The following TMEM217B variants were observed in gnomAD, a reference collection of about 807,000 sequenced individuals.
The protein encoded by TMEM217B is putative transmembrane protein 217B.
the TMEM217B span, among the ~76,000 whole-genome samples, chr6:37,239,833 T>A: frequency 1.0e-4 from 15 of 150,136 alleles, 1 homozygote; most frequent in Middle Eastern, 6.8e-3. Flanking sequence ...AATAGGAGGA[T>A]CACTTAAGCC....
the TMEM217B span, among the ~76,000 whole-genome samples, chr6:37,241,248 AT>A: frequency 1.1e-3 from 160 of 144,984 alleles, no homozygotes; most frequent in Middle Eastern, 3.6e-3. Flanking sequence ...TACCTGGTTA[AT>A]TTTTTTTTTT....
the TMEM217B span, among the ~76,000 whole-genome samples, chr6:37,236,723 A>G: frequency 1.3e-5 from 2 of 152,096 alleles, no homozygotes; most frequent in Non-Finnish European, 2.9e-5. Context: ...TTAGTAGCAT[A>G]AGATAACCAT....
the TMEM217B span, among the ~76,000 whole-genome samples, chr6:37,231,936 C>T: frequency 1.3e-3 from 190 of 151,890 alleles, 5 homozygotes; most frequent in East Asian, 0.028. Context: ...ATCTCAGTCC[C>T]TAGCCCAGAC....
At chr6:37,249,043 A>G in the TMEM217B span, among the ~76,000 whole-genome samples, 1 of 152,110 alleles carries the variant, frequency 6.6e-6, no homozygotes, top group South Asian at 2.1e-4. Context: ...TTCTGTCTGT[A>G]TCTTCTCTCA....
chr6:37,254,150 C>A, the TMEM217B span, among the ~76,000 whole-genome samples: 1 of 152,182 alleles, frequency 6.6e-6, no homozygotes, highest in Non-Finnish European at 1.5e-5. Context: ...CACCTGGGAG[C>A]TTGTTAGAAA....
chr6:37,253,614 G>C, the TMEM217B span, among the ~76,000 whole-genome samples: 7 of 152,298 alleles, frequency 4.6e-5, no homozygotes, highest in East Asian at 1.3e-3. Context: ...ACATTGCACA[G>C]TGCATTGTGA....
chr6:37,234,848 A>C, the TMEM217B span, among the ~76,000 whole-genome samples: 1 of 152,216 alleles, frequency 6.6e-6, no homozygotes, highest in African/African-American at 2.4e-5. Flanking sequence ...AAGTATGAAT[A>C]GGGATAGGGA....
the TMEM217B span, among the ~76,000 whole-genome samples, chr6:37,240,493 TGA>T: frequency 4.3e-4 from 64 of 149,512 alleles, no homozygotes; most frequent in Middle Eastern, 3.4e-3. Context: ...GAGTAAGTGA[TGA>T]GAGAGAGAGA....
chr6:37,224,726 G>C, the TMEM217B span, among the ~76,000 whole-genome samples: 2 of 152,112 alleles, frequency 1.3e-5, no homozygotes, highest in African/African-American at 4.8e-5. Context: ...GAGCAGCTGG[G>C]ATTACAGGAG....
At chr6:37,215,197 C>T in the TMEM217B span, 2 of 1,613,634 alleles carry the variant, frequency 1.2e-6, no homozygotes, top group Non-Finnish European at 1.7e-6. Context: ...TCAATACTCA[C>T]TCAGCAGACA....
At chr6:37,254,646 C>T in the TMEM217B span, among the ~76,000 whole-genome samples, 2 of 152,122 alleles carry the variant, frequency 1.3e-5, no homozygotes, top group African/African-American at 2.4e-5. Flanking sequence ...AACATAGAAT[C>T]GAAAGACAAG....
the TMEM217B span, chr6:37,212,688 G>T: frequency 1.6e-6 from 1 of 619,252 alleles, no homozygotes; most frequent in Non-Finnish European, 3.0e-6. Flanking sequence ...GCTCGTAAGT[G>T]ATGATCCACA....
the TMEM217B span, among the ~76,000 whole-genome samples, chr6:37,249,873 C>T: frequency 1.3e-5 from 2 of 152,196 alleles, no homozygotes; most frequent in South Asian, 2.1e-4. Flanking sequence ...TATGCATACA[C>T]TCCAGACCAC....
chr6:37,239,784 G>C, the TMEM217B span, among the ~76,000 whole-genome samples: 1 of 151,692 alleles, frequency 6.6e-6, no homozygotes, highest in African/African-American at 2.4e-5. Context: ...TAAAGCTTTA[G>C]AGCCTAATTC....
At chr6:37,239,891 T>TAA in the TMEM217B span, among the ~76,000 whole-genome samples, 186 of 133,762 alleles carry the variant, frequency 1.4e-3, no homozygotes, top group African/African-American at 3.9e-3. Flanking sequence ...CCCAGCTCAT[T>TAA]AAAAAAAAAA....
the TMEM217B span, among the ~76,000 whole-genome samples, chr6:37,237,651 G>A: frequency 6.6e-6 from 1 of 152,162 alleles, no homozygotes; most frequent in African/African-American, 2.4e-5. Flanking sequence ...GTTTCAGGAT[G>A]AATAAACTGC....
the TMEM217B span, chr6:37,212,875 ATG>A: frequency 6.7e-7 from 1 of 1,483,356 alleles, no homozygotes; most frequent in South Asian, 1.2e-5. Context: ...CTCATAGCAA[ATG>A]TGTGTCTTCT....
At chr6:37,224,515 G>A in the TMEM217B span, among the ~76,000 whole-genome samples, 32 of 151,782 alleles carry the variant, frequency 2.1e-4, no homozygotes, top group African/African-American at 6.3e-4. Flanking sequence ...GGAGAATGGC[G>A]TGAACCCAGG....
At chr6:37,224,616 A>AG in the TMEM217B span, among the ~76,000 whole-genome samples, 2 of 6,748 alleles carry the variant, frequency 3.0e-4, no homozygotes, top group Non-Finnish European at 1.1e-3. Context: ...CAAACAAACG[A>AG]AAAAAAAACC....
Sources: gnomAD v4.1 joint callset for allele counts (sites outside exome capture counted in the v4.1 genomes callset) on GRCh38, gnomAD v4.1.1 for gene constraint, MANE v1.5 for transcripts, NCBI Gene and HGNC (gene_info 2026-07-23, HGNC 2026-07-21) for gene names.